PAPPA2: variants seen among roughly 807,000 people sequenced by gnomAD.
PAPPA2 encodes the protein pappalysin 2.
A neutral mutation model predicts 176.4 loss-of-function variants in PAPPA2; 86 were observed. The observed-to-expected ratio is 0.49, with a 90% CI of 0.41 to 0.58. The LOEUF (loss-of-function observed/expected upper bound fraction) is 0.58, where lower values mean the gene tolerates loss of function less well. Ranked by LOEUF, PAPPA2 falls within the 20% of genes least tolerant of loss-of-function variation. The probability of loss-of-function intolerance (pLI) is 0.00; values close to 1 mark genes in which losing one functional copy is unlikely to be tolerated. For missense variants in PAPPA2, 2,073 were observed against 2,256.9 expected (o/e 0.92, Z 1.65); for synonymous variants, 809 against 852.2 (o/e 0.95, Z 0.88).
intron 3 of PAPPA2, among the ~76,000 whole-genome samples, chr1:176,644,306 G>A (rs572061615): frequency 2.1e-4 from 32 of 151,850 alleles, no homozygotes; most frequent in African/African-American, 7.5e-4. Context: ...ACCATCAGAA[G>A]GGCCCAAAGA....
intron 2 of PAPPA2, among the ~76,000 whole-genome samples, chr1:176,583,433 T>C (rs1290412733): frequency 2.0e-5 from 3 of 152,160 alleles, no homozygotes; most frequent in Admixed American, 6.5e-5. Flanking sequence ...ATTTTCATTT[T>C]TTTGAGAAAT....
chr1:176,690,543 C>T (rs779881740), intron 5 of PAPPA2, 113 bp downstream of exon 5: 11 of 1,509,006 alleles, frequency 7.3e-6, no homozygotes, highest in African/African-American at 5.6e-5. Context: ...TCATTTGTGT[C>T]GGAGAGTTGA....
rs1662017209 is a variant in PAPPA2 at position 176,729,176 on chromosome 1, T to C, written c.3799-10450T>C. ...TCAACATTTGTTTTTGTATACAGAA[T>C]AAGACAGGGATCTACTTTTAAATAC... is the stretch of plus-strand genomic sequence containing the variant. On this transcript the variant is annotated intron_variant, in intron 12 of 22. Coordinates refer to ENST00000367662, the MANE Select transcript of PAPPA2 (RefSeq NM_020318.3). Among the ~76,000 whole-genome samples, 4 of 152,076 alleles carry C rather than the reference T, an allele frequency of 2.6e-5. No individual in the cohort carries two copies. In the South Asian group the frequency reaches 8.3e-4, roughly 31 times the overall value.
chr1:176,726,318 AC>A (rs1661872170), intron 12 of PAPPA2, among the ~76,000 whole-genome samples: 1 of 152,030 alleles, frequency 6.6e-6, no homozygotes, highest in Non-Finnish European at 1.5e-5. Flanking sequence ...GTCCCTGTAT[AC>A]TCCACTGTTC....
intron 1 of PAPPA2, among the ~76,000 whole-genome samples, chr1:176,472,082 A>G (rs7526881): frequency 0.024 from 3,578 of 152,246 alleles, 167 homozygotes; most frequent in African/African-American, 0.082. Context: ...ATATTATTGC[A>G]TATTATTTCT....
chr1:176,513,251 G>A (rs994204829), intron 1 of PAPPA2, among the ~76,000 whole-genome samples: 6 of 152,012 alleles, frequency 3.9e-5, no homozygotes, highest in African/African-American at 1.4e-4. Context: ...TAATACAGAT[G>A]TTCCTTCACT....
chr1:176,775,611 C>A (rs906468614), intron 17 of PAPPA2, among the ~76,000 whole-genome samples: 2 of 152,114 alleles, frequency 1.3e-5, no homozygotes, highest in African/African-American at 4.8e-5. Context: ...CTTGGCTGCT[C>A]ATGAGAATCA....
rs375011994 is a variant in PAPPA2, at chr1:176,556,411, G to A, written c.89G>A (p.Arg30His). The change falls in exon 2 of 23, where the codon CGC (arginine) becomes CAC (histidine). Residue 30 changes from arginine (R) to histidine (H), a missense_variant. Transcript: ENST00000367662. ...GCCAACTCTGAGCTGGGCTGGACAC[G>A]CAAGAAATCCTTGGTTGAGAGGGAA... The part of the protein sequence containing the change: ...CSANSELGWT[R>H]KKSLVEREHL... 6.2e-6 allele frequency: 10 copies of A among 1,614,190 alleles called. No individual in the cohort carries two copies. In the South Asian group the frequency reaches 8.8e-5, roughly 14 times the overall value.
chr1:176,518,587 T>C (rs548882498), intron 1 of PAPPA2, among the ~76,000 whole-genome samples: 5 of 152,266 alleles, frequency 3.3e-5, no homozygotes, highest in African/African-American at 1.2e-4. Flanking sequence ...AATAATACTA[T>C]GCATTTGAAA....
At chr1:176,521,668 G>A (rs1025443320) in intron 1 of PAPPA2, among the ~76,000 whole-genome samples, 8 of 152,128 alleles carry the variant, frequency 5.3e-5, no homozygotes, top group African/African-American at 1.9e-4. Context: ...CTTTGGCAAG[G>A]GAATGGCAGG....
intron 1 of PAPPA2, among the ~76,000 whole-genome samples, chr1:176,485,664 G>C (rs888700999): frequency 2.2e-4 from 34 of 152,256 alleles, no homozygotes; most frequent in African/African-American, 7.7e-4. Flanking sequence ...CAAGAGAGCA[G>C]GATTTTTGTT....
At chr1:176,758,501 G>C (rs533266579) in intron 14 of PAPPA2, among the ~76,000 whole-genome samples, 3 of 152,148 alleles carry the variant, frequency 2.0e-5, no homozygotes, top group Non-Finnish European at 2.9e-5. Context: ...TCTACATTCT[G>C]TACATCCTAC....
chr1:176,765,905 C>G, intron 15 of PAPPA2, 68 bp downstream of exon 15: 1 of 1,551,518 alleles, frequency 6.4e-7, no homozygotes, highest in East Asian at 2.3e-5. Context: ...ACTCTTCTCT[C>G]TGGCTCCACA....
intron 3 of PAPPA2, among the ~76,000 whole-genome samples, chr1:176,622,183 C>T (rs1406024372): frequency 2.6e-5 from 4 of 152,076 alleles, no homozygotes; most frequent in Non-Finnish European, 5.9e-5. Context: ...CACTGAGTTT[C>T]CTGAGGAAAG....
chr1:176,498,939 T>C (rs1186417841), intron 1 of PAPPA2, among the ~76,000 whole-genome samples: 1 of 152,118 alleles, frequency 6.6e-6, no homozygotes, highest in African/African-American at 2.4e-5. Context: ...TACTATTACT[T>C]TCCCTTGTTT....
chr1:176,561,744 T>G (rs1651686350), intron 2 of PAPPA2, among the ~76,000 whole-genome samples: 1 of 152,198 alleles, frequency 6.6e-6, no homozygotes, highest in African/African-American at 2.4e-5. Flanking sequence ...CATGTTCACA[T>G]AGTTCACACA....
intron 12 of PAPPA2, among the ~76,000 whole-genome samples, chr1:176,715,667 C>T (rs1086520): frequency 0.85 from 128,830 of 152,214 alleles, 54,559 homozygotes; most frequent in East Asian, 0.98. Context: ...TGGGGATCAC[C>T]GTCTATAACC....
At chr1:176,828,901 G>T (rs1204344769) in intron 21 of PAPPA2, among the ~76,000 whole-genome samples, 1 of 152,096 alleles carries the variant, frequency 6.6e-6, no homozygotes, top group African/African-American at 2.4e-5. Flanking sequence ...TACTTGGGAG[G>T]CTGAGGCAGG....
intron 1 of PAPPA2, among the ~76,000 whole-genome samples, chr1:176,535,111 A>C (rs1230656525): frequency 6.6e-6 from 1 of 152,186 alleles, no homozygotes; most frequent in Non-Finnish European, 1.5e-5. Context: ...GAAAAATGGG[A>C]AGAAGGAAGC....
Sources: gnomAD v4.1 joint callset for allele counts (sites outside exome capture counted in the v4.1 genomes callset) on GRCh38, gnomAD v4.1.1 for gene constraint, MANE v1.5 for transcripts, NCBI Gene and HGNC (gene_info 2026-07-23, HGNC 2026-07-21) for gene names.